PIK3CB: variants seen among roughly 807,000 people sequenced by gnomAD.
The protein encoded by PIK3CB is phosphatidylinositol-4,5-bisphosphate 3-kinase catalytic subunit beta.
In PIK3CB, 39 loss-of-function variants were observed where a neutral mutation model predicts 136.8. The ratio of observed to expected loss-of-function variants is 0.29; its 90% CI spans 0.22 to 0.37. The LOEUF is 0.37. Ranked by LOEUF, PIK3CB falls within the 10% of genes least tolerant of loss-of-function variation. PIK3CB has a pLI of 1.00. For missense variants in PIK3CB, 868 were observed against 1,275.4 expected (o/e 0.68, Z 4.87); for synonymous variants, 428 against 436.6 (o/e 0.98, Z 0.25).
At chr3:138,705,161 A>AC (rs2044339611) in intron 11 of PIK3CB, among the ~76,000 whole-genome samples, 1 of 99,540 alleles carries the variant, frequency 1.0e-5, no homozygotes, top group East Asian at 8.7e-4. Flanking sequence ...AAGGCAAAAA[A>AC]AAAAAAAAAA....
At chr3:138,827,176 A>C (rs1169446456) in intron 1 of PIK3CB, among the ~76,000 whole-genome samples, 2 of 152,258 alleles carry the variant, frequency 1.3e-5, no homozygotes, top group African/African-American at 4.8e-5. Context: ...AGTCAAGACC[A>C]AAATTCAAGG....
At chr3:138,748,904 C>G (rs866410858) in intron 4 of PIK3CB, among the ~76,000 whole-genome samples, 3 of 152,140 alleles carry the variant, frequency 2.0e-5, no homozygotes, top group African/African-American at 7.2e-5. Flanking sequence ...ATATGCATGT[C>G]AGTAAGGGTT....
At chr3:138,789,723 C>T (rs1266056758) in intron 2 of PIK3CB, among the ~76,000 whole-genome samples, 1 of 150,084 alleles carries the variant, frequency 6.7e-6, no homozygotes, top group Non-Finnish European at 1.5e-5. Flanking sequence ...GAGACGGAGT[C>T]TCTCTCTGTC....
intron 1 of PIK3CB, among the ~76,000 whole-genome samples, chr3:138,828,292 T>TC (rs1933876581): frequency 6.6e-6 from 1 of 151,050 alleles, no homozygotes; most frequent in Non-Finnish European, 1.5e-5. Context: ...TTGACGCCAT[T>TC]CTCTTGCCTC....
At chr3:138,813,429 TA>T (rs996216204) in intron 1 of PIK3CB, among the ~76,000 whole-genome samples, 3 of 150,264 alleles carry the variant, frequency 2.0e-5, no homozygotes, top group African/African-American at 7.4e-5. Flanking sequence ...GGGCCTACTC[TA>T]TTTTTTTTTT....
At chr3:138,760,849 T>C (rs1000655673) in intron 2 of PIK3CB, among the ~76,000 whole-genome samples, 5 of 152,078 alleles carry the variant, frequency 3.3e-5, no homozygotes, top group East Asian at 3.9e-4. Context: ...TAAGGCTGCA[T>C]TGAGCTAAAA....
At chr3:138,698,811 A>C (rs1284368232) in intron 13 of PIK3CB, 96 bp downstream of exon 13, 1 of 659,608 alleles carries the variant, frequency 1.5e-6, no homozygotes, top group Non-Finnish European at 2.5e-6. Flanking sequence ...AAATTATCCT[A>C]TCTATGAAAA....
Position 138,694,874 on chromosome 3 carries a change from G to A in PIK3CB, c.1804C>T (p.Pro602Ser), listed in dbSNP as rs536248537. ...QALLQIWPKL[P>S]PREALELLDF... The stretch of plus-strand genomic sequence containing the variant: ...AGAAGCTCTAGGGCCTCCCGGGGGG[G>A]CAGTTTAGGCCAAATCTGAAGCAGC... The change falls in exon 14 of 24, where the codon CCC (proline) becomes TCC (serine). Residue 602 changes from proline to serine, a missense_variant. By Grantham distance (74) the Pro-to-Ser change is moderately conservative (BLOSUM62 -1). Around this residue, in one of 4 missense-constraint regions of PIK3CB, gnomAD observed 612 missense variants for 801.1 expected, o/e 0.76. Coordinates refer to ENST00000674063, the MANE Select transcript of PIK3CB (RefSeq NM_006219.3). 56 of 1,610,750 alleles carry A rather than the reference G, an allele frequency of 3.5e-5. No individual in the cohort carries two copies. In the Middle Eastern group the frequency reaches 4.9e-4, roughly 14 times the overall value.
intron 5 of PIK3CB, 130 bp downstream of exon 5, chr3:138,742,428 C>A (rs1032439675): frequency 1.0e-4 from 59 of 584,008 alleles, no homozygotes; most frequent in Admixed American, 6.4e-5. Context: ...ACATTTCTAT[C>A]TGAAATATAA....
chr3:138,814,586 CT>C (rs1336076931), intron 1 of PIK3CB, among the ~76,000 whole-genome samples: 3 of 152,020 alleles, frequency 2.0e-5, no homozygotes, highest in African/African-American at 4.8e-5. Context: ...CTTCCCTTTA[CT>C]TTTTCTAGCT....
chr3:138,669,004 A>C (rs2043471287), intron 19 of PIK3CB, among the ~76,000 whole-genome samples: 1 of 152,236 alleles, frequency 6.6e-6, no homozygotes, highest in Non-Finnish European at 1.5e-5. Context: ...CATGGCTTCC[A>C]AAGGAGAAAA....
At chr3:138,822,397 G>A (rs9818354) in intron 1 of PIK3CB, among the ~76,000 whole-genome samples, 77,170 of 151,120 alleles carry the variant, frequency 0.51, 22,154 homozygotes, top group African/African-American at 0.75. Flanking sequence ...AAATACAAAA[G>A]TTAGCCGGGC....
chr3:138,753,031 TG>T (rs1382361168), intron 4 of PIK3CB, among the ~76,000 whole-genome samples: 2 of 152,048 alleles, frequency 1.3e-5, no homozygotes. Context: ...GCCCACATCC[TG>T]GGTAACACAG....
At chr3:138,781,740 C>G (rs989951383) in intron 2 of PIK3CB, among the ~76,000 whole-genome samples, 1 of 152,208 alleles carries the variant, frequency 6.6e-6, no homozygotes, top group South Asian at 2.1e-4. Context: ...CAGGCGTGTG[C>G]CACCGTGCCC....
chr3:138,669,350 G>A (rs1461952201), intron 19 of PIK3CB, among the ~76,000 whole-genome samples: 5 of 136,998 alleles, frequency 3.6e-5, no homozygotes, highest in Non-Finnish European at 6.1e-5. Flanking sequence ...TGAGGTTGCG[G>A]TGAACCATGA....
intron 4 of PIK3CB, among the ~76,000 whole-genome samples, chr3:138,753,369 A>C (rs985681908): frequency 6.6e-6 from 1 of 151,902 alleles, no homozygotes; most frequent in African/African-American, 2.4e-5. Context: ...AAAAATACAA[A>C]AACTAGCTGG....
chr3:138,797,466 C>A (rs2046121567), intron 1 of PIK3CB, among the ~76,000 whole-genome samples: 1 of 152,134 alleles, frequency 6.6e-6, no homozygotes, highest in African/African-American at 2.4e-5. Context: ...CCCTAATTCC[C>A]TATTACATAT....
intron 8 of PIK3CB, among the ~76,000 whole-genome samples, chr3:138,724,143 T>A (rs1405278453): frequency 6.6e-6 from 1 of 152,144 alleles, no homozygotes; most frequent in Non-Finnish European, 1.5e-5. Flanking sequence ...CAGGTGACAA[T>A]TGCAAATCTC....
At chr3:138,658,467 CA>C (rs1419263114) in intron 21 of PIK3CB, among the ~76,000 whole-genome samples, 2 of 151,958 alleles carry the variant, frequency 1.3e-5, no homozygotes, top group Non-Finnish European at 2.9e-5. Flanking sequence ...ACAACAACAA[CA>C]AAAAAGTACA....
Sources: allele counts gnomAD v4.1 joint callset (sites outside exome capture counted in the v4.1 genomes callset), GRCh38; gene constraint gnomAD v4.1.1; regional missense constraint gnomAD v4.1.1; transcripts MANE v1.5; gene names NCBI Gene and HGNC (gene_info 2026-07-23, HGNC 2026-07-21).